Variants in AP2A1 observed in about 807,000 individuals in gnomAD.
AP2A1 encodes the protein AP-2 complex subunit alpha-1.
Under a neutral mutation model 107.3 loss-of-function variants are expected in AP2A1, and 21 were observed. The observed-to-expected ratio is 0.20, with a 90% confidence interval of 0.14 to 0.28. AP2A1 has a LOEUF of 0.28. AP2A1 is among the 10% of genes least tolerant of loss of function. AP2A1 has a pLI of 1.00. For synonymous variants in AP2A1, 602 were observed against 564.8 expected (o/e 1.07, Z -0.93); for missense variants, 873 against 1,307.7 (o/e 0.67, Z 5.13).
intron 1 of AP2A1, among the ~76,000 whole-genome samples, chr19:49,781,488 A>G (rs1837481095): frequency 6.6e-6 from 1 of 152,108 alleles, no homozygotes; most frequent in African/African-American, 2.4e-5. Context: ...GAGCCCCACA[A>G]ATCAGGGGCC....
chr19:49,776,923 C>T (rs988813816), intron 1 of AP2A1, among the ~76,000 whole-genome samples: 1 of 152,120 alleles, frequency 6.6e-6, no homozygotes, highest in African/African-American at 2.4e-5. Flanking sequence ...AGATGTGGAC[C>T]ATTTAAAGCC....
intron 6 of AP2A1, among the ~76,000 whole-genome samples, chr19:49,795,316 G>A (rs2073198427): frequency 6.6e-6 from 1 of 152,186 alleles, no homozygotes; most frequent in African/African-American, 2.4e-5. Context: ...CAGTGTGCCT[G>A]ACGCTTCCTC....
At chr19:49,799,602 C>T (rs1161337234) in intron 9 of AP2A1, 27 bp from the exon 10 acceptor site, 1 of 1,604,562 alleles carries the variant, frequency 6.2e-7, no homozygotes, top group Admixed American at 1.7e-5. Flanking sequence ...GTCTAAAACA[C>T]ACCTGGGCTC....
chr19:49,796,833 ACCTGTGTGCATG>A (rs2073219859), intron 7 of AP2A1: 1 of 149,120 alleles, frequency 6.7e-6, no homozygotes, highest in Admixed American at 6.6e-5. Context: ...GAGTGTAGAT[ACCTGTGTGCATG>A]CCTGTGTGTG....
At chr19:49,805,287 A>T (rs922696887) in intron 18 of AP2A1, 166 bp from the exon 19 acceptor site, 50 of 806,634 alleles carry the variant, frequency 6.2e-5, no homozygotes, top group Non-Finnish European at 7.8e-5. Flanking sequence ...AGAGGTTTCC[A>T]TAGTATGAAC....
intron 18 of AP2A1, 78 bp from the exon 19 acceptor site, chr19:49,805,375 G>C (rs1192746447): frequency 1.4e-6 from 2 of 1,436,164 alleles, no homozygotes; most frequent in East Asian, 2.5e-5. Flanking sequence ...GGGAGCTGCC[G>C]GGAGCTCTGG....
chr19:49,802,463 C>T (rs540840803), intron 15 of AP2A1: 7 of 1,463,600 alleles, frequency 4.8e-6, no homozygotes, highest in East Asian at 2.3e-5. Context: ...TCTGCCCTCT[C>T]GCTGCCTATG....
chr19:49,794,133 C>T (rs375079503), intron 6 of AP2A1, among the ~76,000 whole-genome samples: 390 of 151,680 alleles, frequency 2.6e-3, no homozygotes, highest in African/African-American at 8.1e-3. Flanking sequence ...ATCTCCTGAC[C>T]TCGTGATCCA....
At chr19:49,792,144 A>G in intron 5 of AP2A1, 80 bp downstream of exon 5, 1 of 1,319,612 alleles carries the variant, frequency 7.6e-7, no homozygotes, top group South Asian at 1.3e-5. Flanking sequence ...CGGGGCTCCC[A>G]CCTCAGCCCT....
chr19:49,799,571 C>A lies in AP2A1; in HGVS notation c.1135-58C>A, dbSNP rs1253585183. 9 of 1,599,312 alleles carry A rather than the reference C, an allele frequency of 5.6e-6. No homozygotes were observed. The East Asian group carries it at 2.0e-4, about 36-fold the overall frequency. On this transcript the variant is annotated intron_variant, in intron 9 of 22. Coordinates refer to ENST00000354293, the MANE Select transcript of AP2A1 (RefSeq NM_130787.3). ...CAGAGGCTCAGAGGCCCTTGGGTGG[C>A]CAACCCTGTGCCAACAGGGAGTCTA... is the stretch of plus-strand genomic sequence containing the variant.
intron 7 of AP2A1, 26 bp from the exon 8 acceptor site, chr19:49,798,776 C>CG: frequency 6.3e-7 from 1 of 1,594,354 alleles, no homozygotes; most frequent in East Asian, 2.3e-5. Context: ...GACACTCAGC[C>CG]GGGGGCGTCC....
chr19:49,800,188 A>G, intron 11 of AP2A1, 38 bp downstream of exon 11: 1 of 1,566,300 alleles, frequency 6.4e-7, no homozygotes, highest in Non-Finnish European at 8.7e-7. Flanking sequence ...ACCCCACGAC[A>G]GGACCTAGAG....
chr19:49,795,794 G>A (rs1014598167), intron 7 of AP2A1, 56 bp downstream of exon 7: 3 of 1,314,246 alleles, frequency 2.3e-6, no homozygotes, highest in Middle Eastern at 1.8e-4. Context: ...GCATCTGGGG[G>A]CCTCCTGCTC....
intron 1 of AP2A1, among the ~76,000 whole-genome samples, chr19:49,780,293 A>G (rs540478673): frequency 3.3e-5 from 5 of 152,246 alleles, no homozygotes; most frequent in African/African-American, 1.2e-4. Flanking sequence ...TTTAAGCAGA[A>G]TAATAAAGAA....
chr19:49,800,838 C>T lies in AP2A1; in HGVS notation c.1456-123C>T. ...TCAACCTTTCTGTGACTCAGTTTCC[C>T]ACCTATAACCCCACCTGCAGCAGAG... On this transcript the variant is annotated intron_variant, in intron 11 of 22. Transcript: ENST00000354293. 5.3e-6 allele frequency: 4 copies of T among 749,802 alleles called. No homozygotes were observed. The South Asian group carries it at 5.7e-5, about 11-fold the overall frequency. The allele number at this position is 749,802 out of a possible 1,614,324, so 46.4% of individuals were successfully genotyped here. A position where few individuals can be genotyped will look rare whatever the true frequency, so the allele number is the denominator to read the frequency against.
chr19:49,802,263 G>A, intron 15 of AP2A1, 122 bp downstream of exon 15: 1 of 868,344 alleles, frequency 1.2e-6, no homozygotes, highest in South Asian at 1.4e-5. Context: ...TCTCCATCCT[G>A]ATGCCTTCGC....
At chr19:49,780,108 A>G (rs2084658581) in intron 1 of AP2A1, among the ~76,000 whole-genome samples, 1 of 152,232 alleles carries the variant, frequency 6.6e-6, no homozygotes. Flanking sequence ...GTCAGAGCAG[A>G]TCTCTGCCCC....
At chr19:49,769,994 C>G (rs141537117) in intron 1 of AP2A1, among the ~76,000 whole-genome samples, 1 of 152,002 alleles carries the variant, frequency 6.6e-6, no homozygotes, top group South Asian at 2.1e-4. Flanking sequence ...TCAGCCTCCC[C>G]GGTAGCTGGG....
At chr19:49,783,771 C>G (rs376172594) in intron 4 of AP2A1, among the ~76,000 whole-genome samples, 2 of 152,244 alleles carry the variant, frequency 1.3e-5, no homozygotes, top group African/African-American at 4.8e-5. Context: ...AAAGCTTGTC[C>G]GAGAAGTTCT....
Sources: gnomAD v4.1 joint callset for allele counts (sites outside exome capture counted in the v4.1 genomes callset) on GRCh38, gnomAD v4.1.1 for gene constraint, MANE v1.5 for transcripts, NCBI Gene and HGNC (gene_info 2026-07-23, HGNC 2026-07-21) for gene names.